IL18R1: variants seen among roughly 807,000 people sequenced by gnomAD.
IL18R1 encodes the protein interleukin-18 receptor 1.
A neutral mutation model predicts 48.5 loss-of-function variants in IL18R1; 40 were observed. The observed-to-expected ratio is 0.82, with a 90% CI of 0.64 to 1.07. The LOEUF is 1.07. IL18R1 is among the 50% of genes least tolerant of loss of function. IL18R1 has a pLI of 0.00. For missense variants in IL18R1, 596 were observed against 633.7 expected (o/e 0.94, Z 0.64); for synonymous variants, 232 against 225.9 (o/e 1.03, Z -0.24).
intron 1 of IL18R1, among the ~76,000 whole-genome samples, chr2:102,358,514 T>A (rs1678387314): frequency 6.6e-6 from 1 of 152,248 alleles, no homozygotes; most frequent in African/African-American, 2.4e-5. Flanking sequence ...TACGTACATA[T>A]GTACATGCAC....
At chr2:102,395,039 G>A (rs1266254912) in intron 10 of IL18R1, among the ~76,000 whole-genome samples, 3 of 152,162 alleles carry the variant, frequency 2.0e-5, no homozygotes, top group East Asian at 1.9e-4. Flanking sequence ...AAATAAACAC[G>A]GGTTAATTAT....
chr2:102,368,796 G>A (rs1357706989), intron 3 of IL18R1, among the ~76,000 whole-genome samples: 1 of 152,112 alleles, frequency 6.6e-6, no homozygotes, highest in Non-Finnish European at 1.5e-5. Context: ...AGAGACTTGA[G>A]ACTGACCTGT....
rs1026468250 is a variant in IL18R1 at position 102,398,667 on chromosome 2, T to G, written c.*1781T>G. On this transcript the variant is annotated 3_prime_UTR_variant, in exon 11 of 11. Coordinates refer to ENST00000233957, the MANE Select transcript of IL18R1 (RefSeq NM_003855.5). ...TTTATTATACTTGCTTTAAAATACT[T>G]GAAATATATTTTGCATTAAATGCAT... 1.3e-4 allele frequency: 20 copies of G among 152,380 alleles called. No individual in the cohort carries two copies. Among genetic ancestry groups the G allele is most frequent in the Non-Finnish European group, 2.8e-4 (19 of 68,046 alleles). 9.4% of individuals were successfully genotyped at this position (152,380 alleles called of 1,614,324 possible). A position where few individuals can be genotyped will look rare whatever the true frequency, so the allele number is the denominator to read the frequency against.
rs1559628198 is a variant in IL18R1 at position 102,381,664 on chromosome 2, C to A, written c.670C>A (p.His224Asn). ...VPVLLGPKLN[H>N]VAVELGKNVR... ...GGTTCTTCTTGGACCAAAGCTTAAC[C>A]ATGTTGCAGTGGAATTAGGTATATT... Residue 224 changes from histidine to asparagine, a missense_variant, in exon 6 of 11, where the codon CAT becomes AAT. Around this residue, in one of 3 missense-constraint regions of IL18R1, gnomAD observed 360 missense variants for 339.4 expected, o/e 1.06. Transcript: ENST00000233957. 3.1e-6 allele frequency: 5 copies of A among 1,611,892 alleles called. No individual in the cohort carries two copies.
chr2:102,383,561 G>A (rs959736681), intron 6 of IL18R1, among the ~76,000 whole-genome samples: 3 of 152,188 alleles, frequency 2.0e-5, no homozygotes, highest in African/African-American at 7.2e-5. Context: ...CTCTCTCAAT[G>A]TGTAGCTCTG....
At chr2:102,373,346 A>G (rs1288810593) in intron 4 of IL18R1, among the ~76,000 whole-genome samples, 1 of 152,176 alleles carries the variant, frequency 6.6e-6, no homozygotes, top group Non-Finnish European at 1.5e-5. Flanking sequence ...CATTCTCAGA[A>G]AACTAACACA....
chr2:102,395,303 A>G (rs1680760320), intron 10 of IL18R1, among the ~76,000 whole-genome samples: 1 of 152,064 alleles, frequency 6.6e-6, no homozygotes, highest in African/African-American at 2.4e-5. Context: ...TAGAACAAAC[A>G]TTTAAAATCT....
chr2:102,369,522 G>A (rs548663006), intron 3 of IL18R1, among the ~76,000 whole-genome samples: 35 of 152,316 alleles, frequency 2.3e-4, no homozygotes, highest in African/African-American at 7.9e-4. Context: ...GTAAAGTGTT[G>A]AGGAGAGAAG....
chr2:102,379,355 G>T (rs1679783432), intron 5 of IL18R1, among the ~76,000 whole-genome samples: 1 of 147,014 alleles, frequency 6.8e-6, no homozygotes, highest in South Asian at 2.2e-4. Context: ...GAGGCAGGGA[G>T]AATTGCTTGA....
intron 1 of IL18R1, among the ~76,000 whole-genome samples, chr2:102,362,097 A>C (rs1006253867): frequency 6.6e-6 from 1 of 152,222 alleles, no homozygotes; most frequent in African/African-American, 2.4e-5. Flanking sequence ...TACAGTGAAG[A>C]GCAAAATAGA....
intron 6 of IL18R1, among the ~76,000 whole-genome samples, chr2:102,383,201 C>A (rs1457565035): frequency 6.6e-6 from 1 of 152,150 alleles, no homozygotes; most frequent in African/African-American, 2.4e-5. Context: ...TTACTTAAGG[C>A]CCACAGTATG....
intron 1 of IL18R1, 43 bp downstream of exon 1, chr2:102,356,443 C>A: frequency 2.1e-6 from 1 of 469,726 alleles, no homozygotes; most frequent in Non-Finnish European, 2.8e-6. Context: ...CTCCCCACCC[C>A]CCAGAGGAAG....
At chr2:102,377,473 C>G (rs1679657508) in intron 5 of IL18R1, among the ~76,000 whole-genome samples, 1 of 152,168 alleles carries the variant, frequency 6.6e-6, no homozygotes, top group Middle Eastern at 3.2e-3. Context: ...CGCCACCACT[C>G]CCGGCTAATT....
At chr2:102,372,646 A>AT (rs1312099990) in intron 4 of IL18R1, among the ~76,000 whole-genome samples, 7 of 151,608 alleles carry the variant, frequency 4.6e-5, no homozygotes, top group Admixed American at 3.9e-4. Flanking sequence ...GGTATATTTT[A>AT]TTTTTTTATG....
intron 1 of IL18R1, among the ~76,000 whole-genome samples, chr2:102,361,227 T>C (rs966460892): frequency 6.6e-6 from 1 of 152,194 alleles, no homozygotes; most frequent in Non-Finnish European, 1.5e-5. Context: ...GAGTTAATAA[T>C]AAAATGTGTG....
intron 4 of IL18R1, among the ~76,000 whole-genome samples, chr2:102,375,135 T>C (rs1273043223): frequency 1.3e-5 from 2 of 152,192 alleles, no homozygotes; most frequent in Non-Finnish European, 2.9e-5. Flanking sequence ...CTGTGGGCAG[T>C]AGGTTCTCCT....
Position 102,356,341 on chromosome 2 carries a change from G to C in IL18R1, c.-88G>C, listed in dbSNP as rs1270235590. 2 of 984,928 alleles carry C rather than the reference G, an allele frequency of 2.0e-6. No homozygotes were observed. The highest frequency in any genetic ancestry group is 2.4e-6 in the Non-Finnish European group (2 of 829,862). The allele number at this position is 984,928 out of a possible 1,614,324, so 61.0% of individuals were successfully genotyped here. ...TTCTGAACTTGGCCTCCGCAGTCGCGACCTGGCGTGAAGGAGGAGCTGCCG... is the reference window on the plus strand; with the variant it reads ...TTCTGAACTTGGCCTCCGCAGTCGCCACCTGGCGTGAAGGAGGAGCTGCCG... On this transcript the variant is annotated 5_prime_UTR_variant, in exon 1 of 11. Transcript: ENST00000233957.
chr2:102,397,991 C>G lies in IL18R1; in HGVS notation c.*1105C>G, dbSNP rs1558623450. 6.6e-6 allele frequency: 1 copy of G among 152,208 alleles called. No homozygotes were observed. Among genetic ancestry groups the G allele is most frequent in the Non-Finnish European group, 1.5e-5 (1 of 68,034 alleles). The allele number at this position is 152,208 out of a possible 1,614,324, so 9.4% of individuals were successfully genotyped here. On this transcript the variant is annotated 3_prime_UTR_variant, in exon 11 of 11. Transcript: ENST00000233957. ...AGTGGTTCCTGACACAGACTCAGCA[C>G]TCCGTCAGTGTTGCCATGACTATTT...
chr2:102,360,469 T>C (rs1320525729), intron 1 of IL18R1, among the ~76,000 whole-genome samples: 1 of 152,156 alleles, frequency 6.6e-6, no homozygotes, highest in East Asian at 1.9e-4. Flanking sequence ...TTCACCATGT[T>C]AGTCAGGATG....
Sources: gnomAD v4.1 joint callset for allele counts (sites outside exome capture counted in the v4.1 genomes callset) on GRCh38, gnomAD v4.1.1 for gene constraint, gnomAD v4.1.1 regional missense constraint, MANE v1.5 for transcripts, NCBI Gene and HGNC (gene_info 2026-07-23, HGNC 2026-07-21) for gene names.